Variants in PRKX observed in about 807,000 individuals in gnomAD.
PRKX encodes protein kinase cAMP-dependent X-linked catalytic subunit.
A neutral mutation model predicts 22.0 loss-of-function variants in PRKX; 12 were observed. The ratio of observed to expected loss-of-function variants is 0.54; its 90% confidence interval spans 0.35 to 0.88. PRKX has a LOEUF of 0.88. Ranked by LOEUF, PRKX falls within the 40% of genes least tolerant of loss-of-function variation. PRKX has a pLI of 0.01. For missense variants in PRKX, 217 were observed against 308.0 expected (o/e 0.70, Z 2.21); for synonymous variants, 134 against 137.7 (o/e 0.97, Z 0.19).
At chrX:3,650,453 A>G (rs564703773) in intron 3 of PRKX, among the ~76,000 whole-genome samples, 14 of 90,157 alleles carry the variant, frequency 1.6e-4, no homozygotes, top group South Asian at 6.6e-4. Context: ...CCCGGGAGGC[A>G]GAGCTTGCAG....
At chrX:3,676,273 TTTGGAAG>T (rs1482631216) in intron 1 of PRKX, among the ~76,000 whole-genome samples, 2 of 111,740 alleles carry the variant, frequency 1.8e-5, no homozygotes, top group Non-Finnish European at 3.8e-5. Flanking sequence ...GAAAGGATGG[TTTGGAAG>T]TGTATCCTTC....
intron 1 of PRKX, among the ~76,000 whole-genome samples, chrX:3,689,918 A>G (rs972327528): frequency 1.8e-4 from 20 of 111,211 alleles, no homozygotes; most frequent in Admixed American, 1.4e-3. Context: ...CAGAGCTTGC[A>G]GTGAGCCGAG....
chrX:3,648,605 C>CGTGTGTGTGT (rs1569049318), intron 3 of PRKX, among the ~76,000 whole-genome samples: 12 of 46,146 alleles, frequency 2.6e-4, no homozygotes, highest in East Asian at 8.4e-4. Flanking sequence ...TCTCTCTACT[C>CGTGTGTGTGT]CTGTGTGTGT....
At chrX:3,631,418 G>C in intron 4 of PRKX, among the ~76,000 whole-genome samples, 1 of 112,663 alleles carries the variant, frequency 8.9e-6, no homozygotes, top group Non-Finnish European at 1.9e-5. Flanking sequence ...AGAGACAGCA[G>C]TGATGCGGCC....
At chrX:3,647,112 G>A (rs1429898912) in intron 3 of PRKX, among the ~76,000 whole-genome samples, 14 of 109,717 alleles carry the variant, frequency 1.3e-4, no homozygotes, top group African/African-American at 4.6e-4. Flanking sequence ...TATATAAAAC[G>A]ATTATGTATT....
At chrX:3,609,381 G>A (rs755382565) in intron 8 of PRKX, among the ~76,000 whole-genome samples, 3 of 111,571 alleles carry the variant, frequency 2.7e-5, no homozygotes, top group Non-Finnish European at 3.8e-5. Flanking sequence ...GGCTGGTCTC[G>A]AACTCCTGAC....
chrX:3,629,686 A>G (rs1306318017), intron 4 of PRKX, among the ~76,000 whole-genome samples: 3 of 110,026 alleles, frequency 2.7e-5, no homozygotes. Flanking sequence ...ACAGGGTTTG[A>G]CTCTGTCACC....
intron 2 of PRKX, among the ~76,000 whole-genome samples, chrX:3,656,978 C>A (rs1157601517): frequency 8.9e-6 from 1 of 111,782 alleles, no homozygotes; most frequent in Non-Finnish European, 1.9e-5. Context: ...TCCCTCAGGC[C>A]CCTTCACCGA....
At chrX:3,695,473 C>T (rs190254187) in intron 1 of PRKX, among the ~76,000 whole-genome samples, 23 of 111,550 alleles carry the variant, frequency 2.1e-4, no homozygotes, top group South Asian at 3.8e-4. Context: ...AGTGCAGTGG[C>T]GCAATCTTAG....
At chrX:3,616,184 G>C (rs1569229784) in intron 6 of PRKX, among the ~76,000 whole-genome samples, 1 of 111,212 alleles carries the variant, frequency 9.0e-6, no homozygotes, top group African/African-American at 3.3e-5. Flanking sequence ...TCCATCTCTC[G>C]ACATAAAATT....
At chrX:3,637,505 A>T (rs1295563009) in intron 4 of PRKX, among the ~76,000 whole-genome samples, 1 of 111,541 alleles carries the variant, frequency 9.0e-6, no homozygotes, top group East Asian at 2.8e-4. Context: ...GCTGGGGAAG[A>T]GCACAGGAAT....
intron 4 of PRKX, among the ~76,000 whole-genome samples, chrX:3,633,097 G>A (rs1926817813): frequency 1.8e-5 from 2 of 110,125 alleles, no homozygotes; most frequent in South Asian, 3.9e-4. Flanking sequence ...GTGTGCCTGT[G>A]TTCCCAGCTA....
intron 3 of PRKX, among the ~76,000 whole-genome samples, chrX:3,649,245 C>A (rs1927258739): frequency 9.1e-6 from 1 of 110,391 alleles, no homozygotes; most frequent in Admixed American, 9.7e-5. Context: ...CAAAACAATT[C>A]TGGTCTGAAG....
chrX:3,666,151 C>CT (rs1927722066), intron 2 of PRKX, among the ~76,000 whole-genome samples: 1 of 67,705 alleles, frequency 1.5e-5, no homozygotes, highest in Non-Finnish European at 2.8e-5. Flanking sequence ...GTGAACTGTA[C>CT]ATTTTTTTTT....
chrX:3,617,095 T>C (rs1339477865), intron 6 of PRKX, among the ~76,000 whole-genome samples: 1 of 110,190 alleles, frequency 9.1e-6, no homozygotes, highest in Admixed American at 9.8e-5. Flanking sequence ...AATATATACA[T>C]ACTTATACAC....
chrX:3,643,703 G>T (rs1269944887), intron 3 of PRKX, among the ~76,000 whole-genome samples: 1 of 110,971 alleles, frequency 9.0e-6, no homozygotes, highest in East Asian at 2.8e-4. Flanking sequence ...CCACCACTCA[G>T]ATCAATGAAA....
chrX:3,673,660 C>T (rs1975344755), intron 2 of PRKX, among the ~76,000 whole-genome samples: 2 of 110,605 alleles, frequency 1.8e-5, no homozygotes, highest in Admixed American at 1.9e-4. Context: ...GGATGGAAGG[C>T]ACCCATGGAG....
At chrX:3,701,904 AC>A (rs752997729) in intron 1 of PRKX, among the ~76,000 whole-genome samples, 33 of 112,108 alleles carry the variant, frequency 2.9e-4, no homozygotes, top group Non-Finnish European at 4.9e-4. Flanking sequence ...AAGGGGAGGC[AC>A]GAATAATTCA....
chrX:3,671,589 G>A (rs1403954530), intron 2 of PRKX, among the ~76,000 whole-genome samples: 3 of 111,920 alleles, frequency 2.7e-5, no homozygotes, highest in African/African-American at 9.7e-5. Context: ...ACTGTAACCA[G>A]CACTCGGAGG....
Sources: gnomAD v4.1 joint callset for allele counts (sites outside exome capture counted in the v4.1 genomes callset) on GRCh38, gnomAD v4.1.1 for gene constraint, MANE v1.5 for transcripts, NCBI Gene and HGNC (gene_info 2026-07-23, HGNC 2026-07-21) for gene names.